The following NLGN4Y variants were observed in gnomAD, a reference collection of about 807,000 sequenced individuals.
NLGN4Y encodes the protein neuroligin-4, Y-linked.
NLGN4Y carries 4 observed loss-of-function variants against 8.4 expected under a neutral mutation model. The observed-to-expected ratio is 0.48, with a 90% CI of 0.23 to 1.09. The LOEUF is 1.09. Ranked by LOEUF, NLGN4Y falls within the 50% of genes least tolerant of loss-of-function variation. NLGN4Y has a pLI of 0.19. For synonymous variants in NLGN4Y, 35 were observed against 75.6 expected, an observed-to-expected ratio of 0.46 and a Z score of 2.78; for missense variants, 90 against 192.3, an observed-to-expected ratio of 0.47 and a Z score of 3.15.
intron 1 of NLGN4Y, among the ~76,000 whole-genome samples, chrY:14,609,090 T>A: frequency 6.0e-5 from 2 of 33,487 alleles, no homozygotes; most frequent in Non-Finnish European, 7.4e-5. Flanking sequence ...TGAAGTTGCT[T>A]ACCAGCTTAA....
chrY:14,686,181 G>T, intron 2 of NLGN4Y, among the ~76,000 whole-genome samples: 1 of 33,038 alleles, frequency 3.0e-5, no homozygotes, highest in East Asian at 8.1e-4. Context: ...TTTTGAGTTG[G>T]TTGGCACCAT....
At chrY:14,738,329 CTA>C (rs2080996651) in intron 4 of NLGN4Y, among the ~76,000 whole-genome samples, 1 of 32,493 alleles carries the variant, frequency 3.1e-5, no homozygotes, top group Admixed American at 2.9e-4. Context: ...AAAAGAGACG[CTA>C]TTTTTTTTTC....
intron 2 of NLGN4Y, among the ~76,000 whole-genome samples, chrY:14,643,762 T>C: frequency 2.9e-5 from 1 of 34,003 alleles, no homozygotes; most frequent in Admixed American, 2.7e-4. Context: ...CTTGTGAACA[T>C]GAAAATGAAT....
chrY:14,598,185 C>T, intron 1 of NLGN4Y, among the ~76,000 whole-genome samples: 3 of 35,006 alleles, frequency 8.6e-5, no homozygotes, highest in Admixed American at 2.5e-4. Context: ...GCCAGTCCTG[C>T]GCCATGCGCT....
At chrY:14,731,863 C>A (rs921220736) in intron 4 of NLGN4Y, among the ~76,000 whole-genome samples, 3 of 32,146 alleles carry the variant, frequency 9.3e-5, no homozygotes, top group South Asian at 7.1e-4. Flanking sequence ...AACAGCTATG[C>A]TGCATGTGGA....
At chrY:14,833,821 G>A in intron 6 of NLGN4Y, among the ~76,000 whole-genome samples, 5 of 33,067 alleles carry the variant, frequency 1.5e-4, no homozygotes, top group Non-Finnish European at 3.7e-4. Context: ...CTTCTACATC[G>A]CTCATGCTGG....
At chrY:14,552,161 A>G in intron 1 of NLGN4Y, among the ~76,000 whole-genome samples, 3 of 34,090 alleles carry the variant, frequency 8.8e-5, no homozygotes, top group African/African-American at 2.3e-4. Context: ...CTATGGAAAT[A>G]AACAAGGAAA....
At chrY:14,587,223 G>A in intron 1 of NLGN4Y, among the ~76,000 whole-genome samples, 1 of 34,062 alleles carries the variant, frequency 2.9e-5, no homozygotes, top group Non-Finnish European at 7.3e-5. Context: ...AAAGTGACAG[G>A]ATATCTATAA....
intron 1 of NLGN4Y, among the ~76,000 whole-genome samples, chrY:14,553,472 T>G: frequency 3.3e-5 from 1 of 30,759 alleles, no homozygotes; most frequent in Admixed American, 3.1e-4. Context: ...AAGACCATCC[T>G]AAGCAAAAAT....
intron 1 of NLGN4Y, among the ~76,000 whole-genome samples, chrY:14,619,680 G>A: frequency 3.0e-5 from 1 of 33,626 alleles, no homozygotes; most frequent in Admixed American, 2.7e-4. Flanking sequence ...GCTTCCCTCA[G>A]TTCACAGAGA....
chrY:14,621,308 A>G, intron 1 of NLGN4Y, among the ~76,000 whole-genome samples: 1 of 33,682 alleles, frequency 3.0e-5, no homozygotes, highest in African/African-American at 1.2e-4. Flanking sequence ...ATCTGCATGC[A>G]TATCCCCTTA....
chrY:14,722,603 C>T, intron 3 of NLGN4Y, among the ~76,000 whole-genome samples: 1 of 29,956 alleles, frequency 3.3e-5, no homozygotes, highest in Admixed American at 3.1e-4. Context: ...CGCGGTGGCT[C>T]ACGCCTGTAA....
chrY:14,730,987 ATGTGTGTGTGTGTGTG>A (rs1248863150), intron 4 of NLGN4Y, among the ~76,000 whole-genome samples: 2 of 15,734 alleles, frequency 1.3e-4, no homozygotes, highest in Admixed American at 6.3e-4. Flanking sequence ...GAACCAAATT[ATGTGTGTGTGTGTGTG>A]TGTGTGTGTG....
chrY:14,696,883 T>A (rs1018322094), intron 2 of NLGN4Y, among the ~76,000 whole-genome samples: 21 of 32,691 alleles, frequency 6.4e-4, no homozygotes, highest in Admixed American at 4.3e-3. Flanking sequence ...TTGGAGCCTA[T>A]CCTCACGCAT....
At chrY:14,637,863 TG>T (rs2080572617) in intron 2 of NLGN4Y, among the ~76,000 whole-genome samples, 1 of 25,674 alleles carries the variant, frequency 3.9e-5, no homozygotes, top group East Asian at 1.0e-3. Flanking sequence ...TTTTTTTTTG[TG>T]TGTGTGTGTG....
chrY:14,647,098 C>T, intron 2 of NLGN4Y, among the ~76,000 whole-genome samples: 1 of 34,059 alleles, frequency 2.9e-5, no homozygotes, highest in Non-Finnish European at 7.3e-5. Flanking sequence ...GGATGATTGG[C>T]CTCTACATTA....
intron 4 of NLGN4Y, among the ~76,000 whole-genome samples, chrY:14,746,679 A>G (rs2081025232): frequency 3.0e-5 from 1 of 33,198 alleles, no homozygotes; most frequent in Non-Finnish European, 7.4e-5. Flanking sequence ...TTGCTGTTCA[A>G]TATCCTACAA....
chrY:14,780,039 G>C, intron 4 of NLGN4Y, among the ~76,000 whole-genome samples: 2 of 33,272 alleles, frequency 6.0e-5, no homozygotes, highest in South Asian at 1.4e-3. Flanking sequence ...GTGGCTGTAT[G>C]TCTTTGTTTC....
intron 4 of NLGN4Y, among the ~76,000 whole-genome samples, chrY:14,783,846 T>C: frequency 2.9e-5 from 1 of 34,176 alleles, no homozygotes; most frequent in South Asian, 6.4e-4. Context: ...ACAAAATATA[T>C]ATTATTTCTT....
Sources: gnomAD v4.1 joint callset for allele counts (sites outside exome capture counted in the v4.1 genomes callset) on GRCh38, gnomAD v4.1.1 for gene constraint, MANE v1.5 for transcripts, NCBI Gene and HGNC (gene_info 2026-07-23, HGNC 2026-07-21) for gene names.